Variants in PDE10A observed in about 807,000 individuals in gnomAD.
PDE10A encodes the protein cAMP and cAMP-inhibited cGMP 3',5'-cyclic phosphodiesterase 10A.
In PDE10A, 39 loss-of-function variants were observed where a neutral mutation model predicts 97.7. The ratio of observed to expected loss-of-function variants is 0.40; its 90% confidence interval spans 0.31 to 0.52. PDE10A has a LOEUF of 0.52. Among genes scored for constraint, PDE10A ranks in the 20% least tolerant of loss-of-function variants. The pLI, the probability that PDE10A is intolerant of heterozygous loss-of-function variation, is 0.56. For missense variants in PDE10A, 731 were observed against 1,047.8 expected, an observed-to-expected ratio of 0.70 and a Z score of 4.17; for synonymous variants, 371 against 376.8, an observed-to-expected ratio of 0.98 and a Z score of 0.18.
At chr6:165,412,011 T>A (rs961523577) in intron 13 of PDE10A, among the ~76,000 whole-genome samples, 2 of 151,920 alleles carry the variant, frequency 1.3e-5, no homozygotes, top group Non-Finnish European at 2.9e-5. Flanking sequence ...GCCATAGGTA[T>A]CTAAGAAAAA....
chr6:165,686,439 T>G (rs1791120475), intron 1 of PDE10A, among the ~76,000 whole-genome samples: 1 of 152,176 alleles, frequency 6.6e-6, no homozygotes, highest in Non-Finnish European at 1.5e-5. Context: ...CTTTCCGCCT[T>G]CAGGTGTAAC....
intron 2 of PDE10A, among the ~76,000 whole-genome samples, chr6:165,499,086 C>A (rs1386550837): frequency 6.6e-6 from 1 of 152,150 alleles, no homozygotes; most frequent in African/African-American, 2.4e-5. Flanking sequence ...TTAATGTCCA[C>A]AGATAGGTAA....
At chr6:165,495,449 A>G (rs1380458311) in intron 2 of PDE10A, among the ~76,000 whole-genome samples, 2 of 152,146 alleles carry the variant, frequency 1.3e-5, no homozygotes, top group African/African-American at 2.4e-5. Context: ...TAATCAGCCA[A>G]CCTTGAAACC....
intron 1 of PDE10A, among the ~76,000 whole-genome samples, chr6:165,925,829 G>A (rs987959989): frequency 5.3e-5 from 8 of 152,148 alleles, no homozygotes; most frequent in Non-Finnish European, 8.8e-5. Context: ...AATGCTTCAC[G>A]TCTGATAAGA....
At chr6:165,716,978 A>G (rs1792040722) in intron 1 of PDE10A, among the ~76,000 whole-genome samples, 1 of 152,170 alleles carries the variant, frequency 6.6e-6, no homozygotes, top group Non-Finnish European at 1.5e-5. Flanking sequence ...CTGTGTCCCT[A>G]TTAAACACTA....
At chr6:165,699,312 C>T (rs1791513239) in intron 1 of PDE10A, among the ~76,000 whole-genome samples, 1 of 152,108 alleles carries the variant, frequency 6.6e-6, no homozygotes, top group South Asian at 2.1e-4. Flanking sequence ...TAAAGATATG[C>T]ATTTAACAAC....
intron 1 of PDE10A, among the ~76,000 whole-genome samples, chr6:165,843,140 G>A (rs376505349): frequency 7.7e-4 from 118 of 152,338 alleles, no homozygotes; most frequent in African/African-American, 2.6e-3. Context: ...TTTGAGCAAG[G>A]GTGAGAAGAC....
chr6:165,775,718 A>C (rs567803729), intron 1 of PDE10A: 1 of 152,378 alleles, frequency 6.6e-6, no homozygotes, highest in African/African-American at 2.4e-5. Flanking sequence ...AAAGGATGAC[A>C]CTAATTGGAA....
intron 1 of PDE10A, among the ~76,000 whole-genome samples, chr6:165,807,189 C>T (rs1259189476): frequency 6.7e-6 from 1 of 148,894 alleles, no homozygotes; most frequent in Middle Eastern, 3.2e-3. Context: ...TTCTCTTTCT[C>T]AAAGAGAAAA....
intron 1 of PDE10A, among the ~76,000 whole-genome samples, chr6:165,700,839 A>C (rs2128443595): frequency 6.6e-6 from 1 of 152,316 alleles, no homozygotes; most frequent in Middle Eastern, 3.4e-3. Context: ...TCTGGGATGA[A>C]GTTATCATGC....
intron 13 of PDE10A, chr6:165,409,698 G>A (rs534193108): frequency 1.3e-5 from 2 of 152,474 alleles, no homozygotes; most frequent in Non-Finnish European, 2.9e-5. Flanking sequence ...CTACTCGACA[G>A]AACTGCTGCT....
At chr6:165,848,474 G>T (rs1780484991) in intron 1 of PDE10A, among the ~76,000 whole-genome samples, 1 of 152,322 alleles carries the variant, frequency 6.6e-6, no homozygotes, top group South Asian at 2.1e-4. Context: ...CTGGACAATA[G>T]ATCTTTGGCC....
intron 1 of PDE10A, among the ~76,000 whole-genome samples, chr6:165,730,668 G>T (rs952529167): frequency 6.6e-6 from 1 of 151,008 alleles, no homozygotes; most frequent in Non-Finnish European, 1.5e-5. Flanking sequence ...CAGGGGAATC[G>T]CTTGAACCTG....
chr6:165,650,430 C>A (rs940011135), intron 1 of PDE10A, among the ~76,000 whole-genome samples: 1 of 152,146 alleles, frequency 6.6e-6, no homozygotes, highest in African/African-American at 2.4e-5. Context: ...GTGTTTCTTC[C>A]CAGTTTCTTT....
At chr6:165,551,017 C>G (rs1282164836) in intron 1 of PDE10A, among the ~76,000 whole-genome samples, 1 of 152,110 alleles carries the variant, frequency 6.6e-6, no homozygotes, top group East Asian at 1.9e-4. Flanking sequence ...ATTGTAGCAA[C>G]TTAGTAACAA....
intron 18 of PDE10A, among the ~76,000 whole-genome samples, chr6:165,348,251 T>C (rs1321024084): frequency 6.6e-6 from 1 of 152,216 alleles, no homozygotes; most frequent in Non-Finnish European, 1.5e-5. Context: ...AGGCAGTTCT[T>C]GCATGAAATA....
intron 1 of PDE10A, among the ~76,000 whole-genome samples, chr6:165,985,014 C>T (rs780047130): frequency 6.6e-6 from 1 of 152,202 alleles, no homozygotes; most frequent in African/African-American, 2.4e-5. Context: ...CCATTGCCTC[C>T]ATTTTGGAGA....
intron 18 of PDE10A, among the ~76,000 whole-genome samples, chr6:165,360,845 C>T (rs1783362752): frequency 6.6e-6 from 1 of 152,144 alleles, no homozygotes; most frequent in African/African-American, 2.4e-5. Context: ...GTCAAAGAGA[C>T]ATGCCAAAAC....
chr6:165,657,420 A>G (rs1790021022), intron 1 of PDE10A, among the ~76,000 whole-genome samples: 2 of 152,266 alleles, frequency 1.3e-5, no homozygotes, highest in African/African-American at 2.4e-5. Context: ...TTTTAAGGGA[A>G]AATATTCGTT....
Sources: gnomAD v4.1 joint callset for allele counts (sites outside exome capture counted in the v4.1 genomes callset) on GRCh38, gnomAD v4.1.1 for gene constraint, MANE v1.5 for transcripts, NCBI Gene and HGNC (gene_info 2026-07-23, HGNC 2026-07-21) for gene names.